The following DGKI variants were observed in gnomAD, a reference collection of about 807,000 sequenced individuals.
DGKI encodes the protein DAG kinase iota.
A neutral mutation model predicts 147.5 loss-of-function variants in DGKI; 55 were observed. That is an observed-to-expected ratio of 0.37 (90% CI 0.30 to 0.47). DGKI has a LOEUF of 0.47. Among genes scored for constraint, DGKI ranks in the 20% least tolerant of loss-of-function variants. The probability of loss-of-function intolerance (pLI) is 1.00; values close to 1 mark genes in which losing one functional copy is unlikely to be tolerated. For synonymous variants in DGKI, 469 were observed against 477.1 expected, an observed-to-expected ratio of 0.98 and a Z score of 0.22; for missense variants, 1,007 against 1,323.8, an observed-to-expected ratio of 0.76 and a Z score of 3.71.
At chr7:137,453,698 G>A (rs564443829) in intron 27 of DGKI, among the ~76,000 whole-genome samples, 3 of 152,158 alleles carry the variant, frequency 2.0e-5, no homozygotes, top group Non-Finnish European at 4.4e-5. Context: ...CAGAGGGAAG[G>A]GGTGCAGAAA....
In DGKI at chr7:137,737,467, A is replaced by C. The variant is rs181956649; in HGVS notation, c.402-47465T>G. Among the ~76,000 whole-genome samples the C allele has an allele frequency of 3.0e-4, 46 of 152,062 alleles. 1 individual carries two copies. Among genetic ancestry groups the C allele is most frequent in the Admixed American group, 3.0e-3 (46 of 15,266 alleles). ...TCTTACTGTCATAAAATACAAACAC[A>C]AGCAAAAACCTTGATGATAATGGAC... On this transcript the variant is annotated intron_variant, in intron 1 of 32. Transcript: ENST00000614521.
chr7:137,809,763 G>T (rs1255697883), intron 1 of DGKI, among the ~76,000 whole-genome samples: 2 of 152,092 alleles, frequency 1.3e-5, no homozygotes, highest in Admixed American at 6.5e-5. Flanking sequence ...AATTAGCCAG[G>T]CATGAGGATG....
At position 137,384,991 on chromosome 7, in the gene DGKI, G is replaced by T. The variant is rs1160968814; in HGVS notation, c.*6229C>A. The T allele has an allele frequency of 2.0e-5, 3 of 152,022 alleles. No individual in the cohort carries two copies. Among genetic ancestry groups the T allele is most frequent in the Non-Finnish European group, 4.4e-5 (3 of 67,988 alleles). 9.4% of individuals were successfully genotyped at this position (152,022 alleles called of 1,614,324 possible). On this transcript the variant is annotated 3_prime_UTR_variant, in exon 33 of 33. Transcript: ENST00000614521. ...AGAGTTTTCCATGATTGCCTTTCAT[G>T]TACATTTACTTGGCTCCCAAATACC...
intron 6 of DGKI, among the ~76,000 whole-genome samples, chr7:137,638,503 TATA>T (rs1821445186): frequency 8.6e-6 from 1 of 116,716 alleles, no homozygotes; most frequent in Admixed American, 8.3e-5. Context: ...CATATATATG[TATA>T]TATATGTGTG....
chr7:137,422,750 G>GC (rs1288624371), intron 28 of DGKI, among the ~76,000 whole-genome samples: 2 of 151,408 alleles, frequency 1.3e-5, no homozygotes, highest in Admixed American at 6.6e-5. Flanking sequence ...GACTACAGGC[G>GC]CCCGCCACCA....
chr7:137,719,468 A>G (rs1204770271), intron 1 of DGKI, among the ~76,000 whole-genome samples: 1 of 151,900 alleles, frequency 6.6e-6, no homozygotes, highest in African/African-American at 2.4e-5. Context: ...TTTCCAGCAG[A>G]GTTTTGCTCC....
chr7:137,642,928 T>TTG (rs1211795511), intron 6 of DGKI, among the ~76,000 whole-genome samples: 3 of 46,190 alleles, frequency 6.5e-5, no homozygotes, highest in African/African-American at 1.4e-4. Context: ...AATTATGGAA[T>TTG]AGTGTGTGTG....
At chr7:137,834,318 A>G (rs1203481470) in intron 1 of DGKI, among the ~76,000 whole-genome samples, 1 of 152,228 alleles carries the variant, frequency 6.6e-6, no homozygotes, top group Non-Finnish European at 1.5e-5. Flanking sequence ...TTGGGTTCGT[A>G]TAACACAAGT....
chr7:137,722,889 T>TAAAAA (rs59407060), intron 1 of DGKI: 24 of 596,796 alleles, frequency 4.0e-5, no homozygotes, highest in Middle Eastern at 4.7e-4. Context: ...TTGACTACGT[T>TAAAAA]AAAAAAAAAA....
chr7:137,638,575 TGTATATATAC>T (rs1278077749), intron 6 of DGKI, among the ~76,000 whole-genome samples: 1 of 103,798 alleles, frequency 9.6e-6, no homozygotes, highest in African/African-American at 3.7e-5. Context: ...CACACATATA[TGTATATATAC>T]ACATATATAC....
chr7:137,390,082 A>T lies in DGKI; in HGVS notation c.*1138T>A, dbSNP rs376256423. On this transcript the variant is annotated 3_prime_UTR_variant, in exon 33 of 33. Transcript: ENST00000614521. Reference sequence around the variant, plus strand: ...AAAATGGGGCTCCTCTCACCACTGTATCCAACAGTCTATAGTTATTAGCCT... The same window carrying T: ...AAAATGGGGCTCCTCTCACCACTGTTTCCAACAGTCTATAGTTATTAGCCT... 6.6e-6 allele frequency: 1 copy of T among 152,168 alleles called. No individual in the cohort carries two copies. Among genetic ancestry groups the T allele is most frequent in the Non-Finnish European group, 1.5e-5 (1 of 68,032 alleles). 9.4% of individuals were successfully genotyped at this position (152,168 alleles called of 1,614,324 possible).
At chr7:137,680,168 A>G (rs1267138897) in intron 2 of DGKI, among the ~76,000 whole-genome samples, 1 of 152,012 alleles carries the variant, frequency 6.6e-6, no homozygotes, top group Non-Finnish European at 1.5e-5. Flanking sequence ...ACCAAGGAAA[A>G]AGCCATGTGA....
At chr7:137,483,850 T>C (rs10249961) in intron 23 of DGKI, among the ~76,000 whole-genome samples, 18,051 of 152,140 alleles carry the variant, frequency 0.12, 1,258 homozygotes, top group African/African-American at 0.2. Context: ...CTATCGTTGA[T>C]GGGCATTTGG....
intron 1 of DGKI, among the ~76,000 whole-genome samples, chr7:137,836,984 C>T (rs565476619): frequency 1.3e-5 from 2 of 152,136 alleles, no homozygotes; most frequent in South Asian, 4.2e-4. Flanking sequence ...GCTATTTGCA[C>T]ACAGAGAGGG....
intron 19 of DGKI, among the ~76,000 whole-genome samples, chr7:137,564,189 G>T (rs886919511): frequency 6.6e-6 from 1 of 152,152 alleles, no homozygotes; most frequent in African/African-American, 2.4e-5. Flanking sequence ...CATTTTTTAT[G>T]AATGAATATG....
At position 137,678,549 on chromosome 7, in the gene DGKI, A is replaced by T; in HGVS notation, c.606+8T>A. 3 of 1,613,888 alleles carry T rather than the reference A, an allele frequency of 1.9e-6. No homozygotes were observed. The highest frequency in any genetic ancestry group is 2.5e-6 in the Non-Finnish European group (3 of 1,179,786). ...GCCTTCCCCCAGCAAGACGGAGCGC[A>T]CACTCACTGCAAATCTGACTTGGCA... On this transcript the variant is annotated splice_region_variant and intron_variant, in intron 3 of 32. Transcript: ENST00000614521.
chr7:137,475,441 C>T (rs78269615), intron 23 of DGKI, among the ~76,000 whole-genome samples: 43 of 152,280 alleles, frequency 2.8e-4, no homozygotes, highest in Non-Finnish European at 4.9e-4. Flanking sequence ...CATTTCGGAA[C>T]ATTTTATTTT....
chr7:137,799,323 A>G (rs1797126526), intron 1 of DGKI, among the ~76,000 whole-genome samples: 1 of 152,200 alleles, frequency 6.6e-6, no homozygotes, highest in Non-Finnish European at 1.5e-5. Flanking sequence ...ACAGATAGAA[A>G]GTAGATTAGT....
intron 6 of DGKI, among the ~76,000 whole-genome samples, chr7:137,632,723 G>T (rs1821172849): frequency 6.6e-6 from 1 of 152,096 alleles, no homozygotes; most frequent in Non-Finnish European, 1.5e-5. Context: ...GCTGGGCGTG[G>T]TGGCACACGC....
Sources: gnomAD v4.1 joint callset for allele counts (sites outside exome capture counted in the v4.1 genomes callset) on GRCh38, gnomAD v4.1.1 for gene constraint, MANE v1.5 for transcripts, NCBI Gene and HGNC (gene_info 2026-07-23, HGNC 2026-07-21) for gene names.